Variants in POC1B observed in about 807,000 individuals in gnomAD.
The protein encoded by POC1B is POC1 centriolar protein homolog B.
In POC1B, 44 loss-of-function variants were observed where a neutral mutation model predicts 60.6. The ratio of observed to expected loss-of-function variants is 0.73; its 90% CI spans 0.57 to 0.93. The LOEUF is 0.93. Among genes scored for constraint, POC1B ranks in the 40% least tolerant of loss-of-function variants. The probability of loss-of-function intolerance (pLI) is 0.00; values close to 1 mark genes in which losing one functional copy is unlikely to be tolerated. For missense variants in POC1B, 555 were observed against 572.3 expected, an observed-to-expected ratio of 0.97 and a Z score of 0.31; for synonymous variants, 180 against 198.9, an observed-to-expected ratio of 0.90 and a Z score of 0.80.
intron 11 of POC1B, among the ~76,000 whole-genome samples, chr12:89,424,329 A>G (rs1880661436): frequency 6.6e-6 from 1 of 152,228 alleles, no homozygotes. Flanking sequence ...GTATATGTAC[A>G]TTTTTTAGCT....
chr12:89,402,741 C>T, the POC1B span, among the ~76,000 whole-genome samples: 1 of 152,092 alleles, frequency 6.6e-6, no homozygotes, highest in Non-Finnish European at 1.5e-5. Flanking sequence ...TATGGACATA[C>T]ATACTTTCTT....
chr12:89,500,702 A>G (rs1035968668), intron 2 of POC1B: 20 of 1,392,346 alleles, frequency 1.4e-5, no homozygotes, highest in Non-Finnish European at 1.9e-5. Context: ...ACTTAAAACC[A>G]AAAAAAGATT....
chr12:89,425,125 C>T (rs752210405), intron 11 of POC1B, 36 bp downstream of exon 11: 4 of 1,600,736 alleles, frequency 2.5e-6, no homozygotes, highest in Non-Finnish European at 3.4e-6. Flanking sequence ...GTATTTTACC[C>T]CCAAGTGCAA....
intron 4 of POC1B, among the ~76,000 whole-genome samples, chr12:89,480,575 C>T (rs994506456): frequency 9.3e-5 from 14 of 150,586 alleles, no homozygotes; most frequent in African/African-American, 2.9e-4. Context: ...TGTGCGCCAC[C>T]ATGCCTGGCT....
At chr12:89,501,861 A>C in intron 2 of POC1B, 1 of 1,187,104 alleles carries the variant, frequency 8.4e-7, no homozygotes, top group South Asian at 1.2e-5. Context: ...CAGCAACTAA[A>C]GACAGCCAAA....
intron 10 of POC1B, among the ~76,000 whole-genome samples, chr12:89,447,346 A>C (rs1881832583): frequency 6.6e-6 from 1 of 152,180 alleles, no homozygotes; most frequent in African/African-American, 2.4e-5. Context: ...GGAACATTGA[A>C]ATATGTAAGT....
chr12:89,478,192 C>G (rs1032191830), intron 4 of POC1B, among the ~76,000 whole-genome samples: 1 of 152,202 alleles, frequency 6.6e-6, no homozygotes, highest in South Asian at 2.1e-4. Flanking sequence ...TCACTGCGAC[C>G]TCCGCCTCCT....
At chr12:89,517,254 G>T (rs541660425) in intron 2 of POC1B, among the ~76,000 whole-genome samples, 1 of 152,110 alleles carries the variant, frequency 6.6e-6, no homozygotes, top group South Asian at 2.1e-4. Flanking sequence ...TCTCCTTCTG[G>T]TCTTCAGTTA....
intron 2 of POC1B, chr12:89,524,668 G>T: frequency 9.3e-7 from 1 of 1,078,376 alleles, no homozygotes; most frequent in Non-Finnish European, 1.3e-6. Context: ...TCATGCAGGC[G>T]CTAGGCTCCT....
At position 89,470,385 on chromosome 12, in the gene POC1B, G is replaced by A. The variant is rs76601375; in HGVS notation, c.786C>T (p.Leu262=). 5.5e-4 allele frequency: 865 copies of A among 1,586,288 alleles called. 13 individuals carry two copies. In the East Asian group the frequency reaches 0.014, roughly 26 times the overall value. ...LKILDLLEGR[L]IYTLQGHTGP... ...CCGTATGTCCTTGAAGTGTATAGAT[G>A]AGCCTTCCTTCTAAGAGGTCCAGAA... The change falls in exon 7 of 12, where the codon CTC becomes CTT. Residue 262 remains leucine, a synonymous_variant. Coordinates refer to ENST00000313546, the MANE Select transcript of POC1B (RefSeq NM_172240.3).
In POC1B at chr12:89,499,491, A is replaced by AT. The variant is rs1565751025; in HGVS notation, c.101-2150dup. 2.2e-4 allele frequency among the ~76,000 whole-genome samples: 33 copies of AT among 151,942 alleles called. No individual in the cohort carries two copies. In the South Asian group the frequency reaches 5.7e-3, roughly 26 times the overall value. ...ACAAACCTGCACATGTACTCCCTGAATCTAAAATAAAAGCTGAAATTATTG... is the reference window on the plus strand; with the variant it reads ...ACAAACCTGCACATGTACTCCCTGAATTCTAAAATAAAAGCTGAAATTATTG... On this transcript the variant is annotated intron_variant, in intron 2 of 11. Coordinates refer to ENST00000313546, the MANE Select transcript of POC1B (RefSeq NM_172240.3).
intron 2 of POC1B, chr12:89,520,813 T>C (rs1204738225): frequency 3.9e-5 from 6 of 152,200 alleles, no homozygotes; most frequent in African/African-American, 1.4e-4. Context: ...TTTTCATAAA[T>C]CTAGGCCAAA....
intron 10 of POC1B, among the ~76,000 whole-genome samples, chr12:89,450,923 C>G (rs974629733): frequency 2.0e-5 from 3 of 152,086 alleles, no homozygotes; most frequent in African/African-American, 7.2e-5. Flanking sequence ...ATATAGGGAA[C>G]TGGTTAAACA....
At chr12:89,475,907 A>ATTTTTTTTT (rs1246340648) in intron 4 of POC1B, among the ~76,000 whole-genome samples, 1 of 106,788 alleles carries the variant, frequency 9.4e-6, no homozygotes, top group African/African-American at 4.1e-5. Flanking sequence ...GAATGAGGGA[A>ATTTTTTTTT]TTCTTTTTTT....
chr12:89,488,853 G>A (rs547382508), intron 4 of POC1B, among the ~76,000 whole-genome samples: 5 of 152,184 alleles, frequency 3.3e-5, no homozygotes, highest in East Asian at 1.9e-4. Flanking sequence ...TAAATCAACC[G>A]TCACGTTTTT....
downstream of POC1B, among the ~76,000 whole-genome samples, chr12:89,416,056 G>C (rs1204447687): frequency 6.6e-6 from 1 of 152,126 alleles, no homozygotes; most frequent in African/African-American, 2.4e-5. Flanking sequence ...TTCAATAAAT[G>C]AAAATAAAAA....
At chr12:89,514,427 T>TTTTTTTTTTTTTG (rs1870348442) in intron 2 of POC1B, among the ~76,000 whole-genome samples, 1 of 144,910 alleles carries the variant, frequency 6.9e-6, no homozygotes. Flanking sequence ...TTTTTTTTTT[T>TTTTTTTTTTTTTG]AGACGAAGTC....
intron 10 of POC1B, among the ~76,000 whole-genome samples, chr12:89,432,483 T>C (rs879452420): frequency 1.3e-5 from 2 of 148,274 alleles, no homozygotes; most frequent in Non-Finnish European, 3.0e-5. Flanking sequence ...ATTCTGGGGA[T>C]GAAGACATAA....
intron 10 of POC1B, among the ~76,000 whole-genome samples, chr12:89,443,343 A>G (rs1211065888): frequency 1.3e-5 from 2 of 152,264 alleles, no homozygotes; most frequent in Non-Finnish European, 2.9e-5. Context: ...AATTGACCAT[A>G]TAGTTGGAAG....
Sources: gnomAD v4.1 joint callset for allele counts (sites outside exome capture counted in the v4.1 genomes callset) on GRCh38, gnomAD v4.1.1 for gene constraint, MANE v1.5 for transcripts, NCBI Gene and HGNC (gene_info 2026-07-23, HGNC 2026-07-21) for gene names.